The following PTPRZ1 variants were observed in gnomAD, a reference collection of about 807,000 sequenced individuals.
The protein encoded by PTPRZ1 is protein tyrosine phosphatase receptor type Z1.
A neutral mutation model predicts 214.1 loss-of-function variants in PTPRZ1; 82 were observed. The ratio of observed to expected loss-of-function variants is 0.38; its 90% CI spans 0.32 to 0.46. The LOEUF (loss-of-function observed/expected upper bound fraction) is 0.46, where lower values mean the gene tolerates loss of function less well. PTPRZ1 is among the 20% of genes least tolerant of loss of function. The pLI is 1.00. For synonymous variants in PTPRZ1, 945 were observed against 987.9 expected (o/e 0.96, Z 0.81); for missense variants, 2,603 against 2,748.7 (o/e 0.95, Z 1.19).
chr7:121,904,399 G>A (rs555877503), intron 1 of PTPRZ1, among the ~76,000 whole-genome samples: 95 of 152,328 alleles, frequency 6.2e-4, no homozygotes, highest in African/African-American at 2.2e-3. Context: ...GAGCTGTGCA[G>A]TGGGGGTGCT....
At chr7:122,009,702 CA>C (rs1798591390) in intron 11 of PTPRZ1, among the ~76,000 whole-genome samples, 1 of 151,950 alleles carries the variant, frequency 6.6e-6, no homozygotes, top group African/African-American at 2.4e-5. Flanking sequence ...CTAAGGGAAA[CA>C]CAAAATTAAA....
chr7:121,928,499 G>A (rs977732356), intron 2 of PTPRZ1, among the ~76,000 whole-genome samples: 7 of 152,076 alleles, frequency 4.6e-5, no homozygotes, highest in Admixed American at 6.6e-5. Context: ...ATAACCTGGG[G>A]CTCTGTTTTT....
chr7:121,896,248 A>G (rs1794780325), intron 1 of PTPRZ1, among the ~76,000 whole-genome samples: 1 of 152,212 alleles, frequency 6.6e-6, no homozygotes, highest in Non-Finnish European at 1.5e-5. Context: ...AGAATTGTTA[A>G]TTATATGCAC....
At chr7:121,920,363 AAC>A (rs890908874) in intron 1 of PTPRZ1, among the ~76,000 whole-genome samples, 58 of 152,154 alleles carry the variant, frequency 3.8e-4, no homozygotes, top group Non-Finnish European at 7.1e-4. Context: ...TAAATATAAT[AAC>A]ACATTATTTT....
intron 1 of PTPRZ1, among the ~76,000 whole-genome samples, chr7:121,911,112 T>C (rs1795261420): frequency 6.6e-6 from 1 of 152,130 alleles, no homozygotes; most frequent in Admixed American, 6.6e-5. Flanking sequence ...ATTTTTGTGC[T>C]TTGAACTATA....
intron 2 of PTPRZ1, among the ~76,000 whole-genome samples, chr7:121,958,298 G>A (rs114216294): frequency 0.015 from 2,246 of 152,152 alleles, 46 homozygotes; most frequent in African/African-American, 0.043. Context: ...ACACTTAGAC[G>A]GTCTCTGCTG....
At chr7:122,018,577 A>C (rs777810661) in intron 12 of PTPRZ1, among the ~76,000 whole-genome samples, 1 of 152,040 alleles carries the variant, frequency 6.6e-6, no homozygotes, top group African/African-American at 2.4e-5. Flanking sequence ...ATTTAAAACC[A>C]ATCTATATTT....
In PTPRZ1 at chr7:122,040,989, A is replaced by G. The variant is rs759064492; in HGVS notation, c.5801+10A>G. ...TTGTCGTCCACTGCAGGTGAGTCTC[A>G]GAGATGTGCCTCTAAACCCATAGAA... On this transcript the variant is annotated intron_variant, in intron 21 of 29. Coordinates refer to ENST00000393386, the MANE Select transcript of PTPRZ1 (RefSeq NM_002851.3). 2.6e-6 allele frequency: 4 copies of G among 1,524,560 alleles called. No homozygotes were observed. Among genetic ancestry groups the G allele is most frequent in the Non-Finnish European group, 3.6e-6 (4 of 1,126,354 alleles). 94.4% of individuals were successfully genotyped at this position (1,524,560 alleles called of 1,614,324 possible). A position where few individuals can be genotyped will look rare whatever the true frequency, so the allele number is the denominator to read the frequency against.
chr7:121,929,711 G>C (rs1474564763), intron 2 of PTPRZ1, among the ~76,000 whole-genome samples: 1 of 151,756 alleles, frequency 6.6e-6, no homozygotes, highest in African/African-American at 2.4e-5. Flanking sequence ...AGGAGGCTGA[G>C]GCAGGAGAAT....
chr7:121,879,292 G>A (rs1033482683), intron 1 of PTPRZ1, among the ~76,000 whole-genome samples: 1 of 152,198 alleles, frequency 6.6e-6, no homozygotes, highest in Non-Finnish European at 1.5e-5. Context: ...GTCAGCTAGT[G>A]TGCCACTTTG....
chr7:122,056,030 G>C (rs1792340447), intron 27 of PTPRZ1, among the ~76,000 whole-genome samples: 1 of 151,784 alleles, frequency 6.6e-6, no homozygotes, highest in Non-Finnish European at 1.5e-5. Flanking sequence ...GTCTTTATTT[G>C]TAAAATGAAG....
intron 4 of PTPRZ1, among the ~76,000 whole-genome samples, chr7:121,972,993 C>A (rs922408930): frequency 6.6e-6 from 1 of 151,956 alleles, no homozygotes; most frequent in African/African-American, 2.4e-5. Flanking sequence ...TGATTTAAAT[C>A]TTTTGATTAA....
chr7:121,990,922 G>C (rs1196500), intron 8 of PTPRZ1, among the ~76,000 whole-genome samples: 141,456 of 152,286 alleles, frequency 0.93, 66,045 homozygotes, highest in Non-Finnish European at 0.98. Flanking sequence ...TCAACTGTAT[G>C]CACGCCTTCC....
chr7:121,876,743 G>A (rs895430534), intron 1 of PTPRZ1, among the ~76,000 whole-genome samples: 1 of 151,988 alleles, frequency 6.6e-6, no homozygotes, highest in African/African-American at 2.4e-5. Context: ...CGTATACTGT[G>A]GTTGCTTCCA....
intron 2 of PTPRZ1, among the ~76,000 whole-genome samples, chr7:121,964,585 C>T (rs1327793797): frequency 2.0e-5 from 3 of 152,016 alleles, no homozygotes; most frequent in African/African-American, 7.2e-5. Flanking sequence ...CCATATCAAA[C>T]ACCGACTATG....
At chr7:121,927,383 C>T (rs1795796699) in intron 1 of PTPRZ1, among the ~76,000 whole-genome samples, 1 of 152,150 alleles carries the variant, frequency 6.6e-6, no homozygotes, top group South Asian at 2.1e-4. Flanking sequence ...CTGAACACTC[C>T]CATTTATTGG....
At chr7:121,955,616 G>C (rs1311553752) in intron 2 of PTPRZ1, among the ~76,000 whole-genome samples, 1 of 152,196 alleles carries the variant, frequency 6.6e-6, no homozygotes, top group East Asian at 1.9e-4. Flanking sequence ...TTAACAGCAA[G>C]AGCTACAGAA....
At chr7:122,054,064 A>G in intron 26 of PTPRZ1, 26 bp downstream of exon 26, 1 of 1,610,044 alleles carries the variant, frequency 6.2e-7, no homozygotes, top group Non-Finnish European at 8.5e-7. Flanking sequence ...CACTTTTGGG[A>G]CTTCCTTTAC....
At chr7:121,960,079 C>T (rs1796828686) in intron 2 of PTPRZ1, among the ~76,000 whole-genome samples, 1 of 152,102 alleles carries the variant, frequency 6.6e-6, no homozygotes, top group African/African-American at 2.4e-5. Flanking sequence ...TGCTCTGTCA[C>T]CCAGGCTGGG....
Sources: allele counts gnomAD v4.1 joint callset (sites outside exome capture counted in the v4.1 genomes callset), GRCh38; gene constraint gnomAD v4.1.1; transcripts MANE v1.5; gene names NCBI Gene and HGNC (gene_info 2026-07-23, HGNC 2026-07-21).